The following ARSB variants were observed in gnomAD, a reference collection of about 807,000 sequenced individuals.
The protein encoded by ARSB is arylsulfatase B.
ARSB carries 41 observed loss-of-function variants against 50.9 expected under a neutral mutation model. The ratio of observed to expected loss-of-function variants is 0.81; its 90% confidence interval spans 0.63 to 1.04. The LOEUF is 1.04. ARSB is among the 50% of genes least tolerant of loss of function. The pLI is 0.00. For missense variants in ARSB, 672 were observed against 693.3 expected (o/e 0.97, Z 0.35); for synonymous variants, 269 against 284.8 (o/e 0.94, Z 0.56).
intron 5 of ARSB, among the ~76,000 whole-genome samples, chr5:78,867,704 G>T (rs1021765574): frequency 2.0e-5 from 3 of 152,072 alleles, no homozygotes; most frequent in Admixed American, 6.6e-5. Context: ...AAACCACAAA[G>T]GTGGGGAAAA....
intron 4 of ARSB, among the ~76,000 whole-genome samples, chr5:78,905,563 G>GTA (rs1343872869): frequency 6.6e-6 from 1 of 152,138 alleles, no homozygotes. Context: ...CCTTTGCTAT[G>GTA]AGGTTTGGGT....
chr5:78,796,513 C>G (rs996501133), intron 6 of ARSB, among the ~76,000 whole-genome samples: 1 of 152,236 alleles, frequency 6.6e-6, no homozygotes, highest in Non-Finnish European at 1.5e-5. Flanking sequence ...AGGAGGGTCT[C>G]TCTTTTTGAA....
intron 5 of ARSB, among the ~76,000 whole-genome samples, chr5:78,856,535 C>A (rs1746150925): frequency 6.6e-6 from 1 of 152,090 alleles, no homozygotes; most frequent in South Asian, 2.1e-4. Context: ...GTGTGTATAC[C>A]AAAGTGGGTT....
chr5:78,945,539 G>A (rs78781059), intron 4 of ARSB, among the ~76,000 whole-genome samples: 5,204 of 152,062 alleles, frequency 0.034, 277 homozygotes, highest in African/African-American at 0.12. Context: ...CTAAAAGGTC[G>A]GCCTGCTTCC....
At chr5:78,941,818 C>T (rs1023149240) in intron 4 of ARSB, among the ~76,000 whole-genome samples, 4 of 152,062 alleles carry the variant, frequency 2.6e-5, no homozygotes, top group Admixed American at 1.3e-4. Flanking sequence ...GGGAGGATTC[C>T]CTCTTTTTCT....
chr5:78,893,178 TA>T (rs1170760989), intron 4 of ARSB, among the ~76,000 whole-genome samples: 1 of 152,214 alleles, frequency 6.6e-6, no homozygotes, highest in Non-Finnish European at 1.5e-5. Flanking sequence ...TGCTGCCATG[TA>T]AGATGTGCCT....
chr5:78,803,123 C>A (rs921437796), intron 6 of ARSB, among the ~76,000 whole-genome samples: 1 of 152,248 alleles, frequency 6.6e-6, no homozygotes, highest in African/African-American at 2.4e-5. Context: ...AAAGAGGCTT[C>A]TTCAGACAGA....
intron 4 of ARSB, among the ~76,000 whole-genome samples, chr5:78,937,611 C>T (rs75594731): frequency 0.035 from 5,242 of 150,388 alleles, 287 homozygotes; most frequent in African/African-American, 0.12. Flanking sequence ...ATATTAAGTA[C>T]TATAATAAAA....
intron 6 of ARSB, among the ~76,000 whole-genome samples, chr5:78,809,319 C>G (rs1015463950): frequency 1.3e-5 from 2 of 152,168 alleles, no homozygotes; most frequent in African/African-American, 4.8e-5. Context: ...CCAGATTTTA[C>G]CAGGCACAGA....
chr5:78,885,308 T>G, intron 5 of ARSB: 1 of 477,072 alleles, frequency 2.1e-6, no homozygotes, highest in Non-Finnish European at 3.6e-6. Context: ...CTAGCCTACT[T>G]CTAAGCAAAA....
chr5:78,798,386 TAAAAAAA>T (rs34346174), intron 6 of ARSB, among the ~76,000 whole-genome samples: 9 of 120,714 alleles, frequency 7.5e-5, no homozygotes, highest in Admixed American at 1.7e-4. Context: ...GCATTGTGTG[TAAAAAAA>T]AAAAAAAAAA....
chr5:78,834,607 G>GTGTGTATATATATATA (rs1185355030), intron 6 of ARSB, among the ~76,000 whole-genome samples: 6 of 85,600 alleles, frequency 7.0e-5, no homozygotes, highest in South Asian at 4.7e-4. Context: ...ATATATATGT[G>GTGTGTATATATATATA]TATATATATA....
Position 78,933,529 on chromosome 5 carries a change from G to A in ARSB, c.898+21766C>T, listed in dbSNP as rs372551900. On this transcript the variant is annotated intron_variant, in intron 4 of 7. Coordinates refer to ENST00000264914, the MANE Select transcript of ARSB (RefSeq NM_000046.5). ...TGTGGAGGTCAATGGCGATAGAGTCGCTATTGTCTGTTTTTCAGAGAAGTC... is the reference window on the plus strand; with the variant it reads ...TGTGGAGGTCAATGGCGATAGAGTCACTATTGTCTGTTTTTCAGAGAAGTC... Among the ~76,000 whole-genome samples the A allele has an allele frequency of 1.3e-4, 20 of 152,274 alleles. No homozygotes were observed. The East Asian group carries it at 1.5e-3, about 12-fold the overall frequency.
chr5:78,836,968 C>T (rs1034825501), intron 6 of ARSB, among the ~76,000 whole-genome samples: 6 of 152,092 alleles, frequency 3.9e-5, no homozygotes, highest in Non-Finnish European at 7.4e-5. Flanking sequence ...TTCAAACAAC[C>T]AGATCTCATG....
Position 78,894,003 on chromosome 5 carries a change from T to C in ARSB, c.899-8176A>G, listed in dbSNP as rs149953061. On this transcript the variant is annotated intron_variant, in intron 4 of 7. Transcript: ENST00000264914. ...GTGTTACAGTTTACTCACACATTAT[T>C]TGGCTCCCCTTTCAGACCTAAAACC... 1.8e-3 allele frequency among the ~76,000 whole-genome samples: 267 copies of C among 152,328 alleles called. 1 individual carries two copies. The highest frequency in any genetic ancestry group is 6.2e-3 in the African/African-American group (257 of 41,572).
At chr5:78,809,234 G>A (rs1427296931) in intron 6 of ARSB, among the ~76,000 whole-genome samples, 1 of 152,224 alleles carries the variant, frequency 6.6e-6, no homozygotes, top group Non-Finnish European at 1.5e-5. Context: ...ATCCTGCCAG[G>A]AAAGGTGGTG....
At chr5:78,812,904 T>C (rs900156499) in intron 6 of ARSB, among the ~76,000 whole-genome samples, 1 of 152,114 alleles carries the variant, frequency 6.6e-6, no homozygotes, top group Non-Finnish European at 1.5e-5. Context: ...TATGGGAGGA[T>C]TGCTGGAGCC....
chr5:78,787,137 T>TATAG (rs58816270), intron 6 of ARSB, among the ~76,000 whole-genome samples: 4 of 147,240 alleles, frequency 2.7e-5, no homozygotes, highest in African/African-American at 7.5e-5. Context: ...TATCTATCTA[T>TATAG]ATAGATACAG....
At chr5:78,978,339 A>C (rs1393608758) in intron 1 of ARSB, among the ~76,000 whole-genome samples, 3 of 149,362 alleles carry the variant, frequency 2.0e-5, no homozygotes, top group African/African-American at 7.4e-5. Context: ...CTGTCTTAAA[A>C]AAAAAAAAAA....
Sources: gnomAD v4.1 joint callset for allele counts (sites outside exome capture counted in the v4.1 genomes callset) on GRCh38, gnomAD v4.1.1 for gene constraint, MANE v1.5 for transcripts, NCBI Gene and HGNC (gene_info 2026-07-23, HGNC 2026-07-21) for gene names.